FER: variants seen among roughly 807,000 people sequenced by gnomAD.
FER encodes the protein tyrosine-protein kinase Fer.
FER carries 63 observed loss-of-function variants against 111.0 expected under a neutral mutation model. That is an observed-to-expected ratio of 0.57 (90% CI 0.46 to 0.70). The LOEUF is 0.70. FER is among the 30% of genes least tolerant of loss of function. FER has a pLI of 0.00. For synonymous variants in FER, 327 were observed against 313.9 expected, an observed-to-expected ratio of 1.04 and a Z score of -0.44; for missense variants, 914 against 954.0, an observed-to-expected ratio of 0.96 and a Z score of 0.55.
intron 16 of FER, among the ~76,000 whole-genome samples, chr5:109,062,022 T>TTCGCTTGCTTGCTTGC (rs1554129294): frequency 1.2e-4 from 18 of 150,654 alleles, no homozygotes; most frequent in Middle Eastern, 3.4e-3. Context: ...TTATGAATAC[T>TTCGCTTGCTTGCTTGC]TTGCTTGCTT....
intron 13 of FER, among the ~76,000 whole-genome samples, chr5:108,973,950 T>A (rs1426078710): frequency 6.6e-6 from 1 of 152,202 alleles, no homozygotes; most frequent in East Asian, 1.9e-4. Flanking sequence ...TCTCTAGAAA[T>A]AAGTTTGAAA....
At chr5:108,794,526 A>ACCCCCCCCCCCCC (rs138716410) in intron 2 of FER, among the ~76,000 whole-genome samples, 31 of 106,374 alleles carry the variant, frequency 2.9e-4, no homozygotes, top group Admixed American at 4.1e-4. Flanking sequence ...CCCCCTCCGC[A>ACCCCCCCCCCCCC]CCCCCCCCCC....
At chr5:108,853,747 T>C (rs564044360) in intron 5 of FER, among the ~76,000 whole-genome samples, 12 of 152,318 alleles carry the variant, frequency 7.9e-5, no homozygotes, top group African/African-American at 2.9e-4. Flanking sequence ...AGGCGATGCA[T>C]AGATTATGTA....
At chr5:109,099,759 T>C (rs1020290443) in intron 16 of FER, among the ~76,000 whole-genome samples, 1 of 151,612 alleles carries the variant, frequency 6.6e-6, no homozygotes, top group African/African-American at 2.4e-5. Context: ...TCATGTTATG[T>C]ATGTCTTGGA....
chr5:109,191,148 C>CA lies in FER; in HGVS notation c.*3578dup, dbSNP rs1759347448. ...ACTGAGGACCTTGTAGTGGGATAAA[C>CA]AAAAATTAAAATGCAACAATCCAAA... On this transcript the variant is annotated 3_prime_UTR_variant, in exon 20 of 20. Transcript: ENST00000281092. 1 of 151,960 alleles carries CA rather than the reference C, an allele frequency of 6.6e-6. No individual in the cohort carries two copies. Among genetic ancestry groups the CA allele is most frequent in the South Asian group, 2.1e-4 (1 of 4,822 alleles). 9.4% of individuals were successfully genotyped at this position (151,960 alleles called of 1,614,324 possible). A position where few individuals can be genotyped will look rare whatever the true frequency, so the allele number is the denominator to read the frequency against.
intron 16 of FER, among the ~76,000 whole-genome samples, chr5:109,091,076 A>G (rs987682043): frequency 6.6e-6 from 1 of 152,226 alleles, no homozygotes; most frequent in Non-Finnish European, 1.5e-5. Flanking sequence ...GGGAGAAACC[A>G]CTGAAGGTGT....
intron 16 of FER, among the ~76,000 whole-genome samples, chr5:109,075,769 C>T (rs542962057): frequency 3.3e-5 from 5 of 152,012 alleles, no homozygotes; most frequent in East Asian, 3.9e-4. Flanking sequence ...AAAAACATAC[C>T]GAAATTAATC....
intron 17 of FER, among the ~76,000 whole-genome samples, chr5:109,116,555 C>G (rs1750273271): frequency 6.6e-6 from 1 of 152,066 alleles, no homozygotes; most frequent in African/African-American, 2.4e-5. Flanking sequence ...AGTTCTAAAG[C>G]CCACCTGGTG....
chr5:109,165,401 G>T (rs1247553098), intron 17 of FER, among the ~76,000 whole-genome samples: 1 of 152,118 alleles, frequency 6.6e-6, no homozygotes, highest in Non-Finnish European at 1.5e-5. Flanking sequence ...AGAATCCTCG[G>T]AGTATGGCAT....
intron 2 of FER, chr5:108,782,753 C>T (rs531147264): frequency 2.6e-5 from 4 of 152,136 alleles, no homozygotes; most frequent in Admixed American, 1.3e-4. Flanking sequence ...GCTGGGATTA[C>T]AGGTATGAGC....
chr5:109,164,091 G>A lies in FER; in HGVS notation c.2049-16656G>A, dbSNP rs114796286. 7.5e-3 allele frequency among the ~76,000 whole-genome samples: 1,147 copies of A among 152,202 alleles called. 15 individuals are homozygous for A. The highest frequency in any genetic ancestry group is 0.026 in the African/African-American group (1,085 of 41,520). The stretch of plus-strand genomic sequence containing the variant: ...AAAAATAATGTTTGAGATTATAGCT[G>A]GAAAGTCCTAGTGGATTGGCTCATT... On this transcript the variant is annotated intron_variant, in intron 17 of 19. Coordinates refer to ENST00000281092, the MANE Select transcript of FER (RefSeq NM_005246.4).
chr5:108,805,307 C>A (rs937203161), intron 3 of FER, among the ~76,000 whole-genome samples: 3 of 152,180 alleles, frequency 2.0e-5, no homozygotes, highest in Admixed American at 6.5e-5. Context: ...TGTGAGGCCT[C>A]CCCAGCCATG....
chr5:108,998,962 G>A (rs1263748291), intron 13 of FER, among the ~76,000 whole-genome samples: 1 of 152,062 alleles, frequency 6.6e-6, no homozygotes. Flanking sequence ...TTATTACTTT[G>A]ATACATAATA....
At chr5:109,014,034 C>T (rs1273009954) in intron 13 of FER, among the ~76,000 whole-genome samples, 1 of 150,658 alleles carries the variant, frequency 6.6e-6, no homozygotes, top group Non-Finnish European at 1.5e-5. Flanking sequence ...TTGTAGGTTG[C>T]CTGTTCACTC....
chr5:108,932,884 G>T (rs1754897145), intron 10 of FER, among the ~76,000 whole-genome samples: 1 of 145,910 alleles, frequency 6.9e-6, no homozygotes, highest in Non-Finnish European at 1.5e-5. Flanking sequence ...GGGGTTGTTT[G>T]TTTTTTTCTT....
At chr5:108,868,357 A>G (rs890458191) in intron 6 of FER, among the ~76,000 whole-genome samples, 1 of 152,094 alleles carries the variant, frequency 6.6e-6, no homozygotes, top group African/African-American at 2.4e-5. Flanking sequence ...TAAGATTAAA[A>G]TCAACAAATG....
intron 10 of FER, among the ~76,000 whole-genome samples, chr5:108,916,786 T>C (rs1438189090): frequency 6.6e-6 from 1 of 152,128 alleles, no homozygotes; most frequent in Non-Finnish European, 1.5e-5. Flanking sequence ...AAGATGAAAT[T>C]CAAATAATCA....
At chr5:108,759,834 A>G (rs1030068157) in intron 1 of FER, among the ~76,000 whole-genome samples, 2 of 152,238 alleles carry the variant, frequency 1.3e-5, no homozygotes, top group Non-Finnish European at 2.9e-5. Flanking sequence ...AAAAGTCCAC[A>G]CCTTCCAATA....
chr5:109,100,022 T>C (rs916602345), intron 16 of FER, among the ~76,000 whole-genome samples: 1 of 151,772 alleles, frequency 6.6e-6, no homozygotes, highest in African/African-American at 2.4e-5. Flanking sequence ...TACTCATATT[T>C]GACTCATAAT....
Sources: allele counts gnomAD v4.1 joint callset (sites outside exome capture counted in the v4.1 genomes callset), GRCh38; gene constraint gnomAD v4.1.1; transcripts MANE v1.5; gene names NCBI Gene and HGNC (gene_info 2026-07-23, HGNC 2026-07-21).